RBBP4: variants seen among roughly 807,000 people sequenced by gnomAD.
The protein encoded by RBBP4 is RB binding protein 4, chromatin remodeling factor.
Under a neutral mutation model 57.2 loss-of-function variants are expected in RBBP4, and 3 were observed. The observed-to-expected ratio is 0.05, with a 90% CI of 0.02 to 0.14. RBBP4 has a LOEUF of 0.14. RBBP4 is among the 10% of genes least tolerant of loss of function. RBBP4 has a pLI of 1.00. For synonymous variants in RBBP4, 151 were observed against 171.5 expected (o/e 0.88, Z 0.93); for missense variants, 107 against 520.6 (o/e 0.21, Z 7.73).
intron 2 of RBBP4, among the ~76,000 whole-genome samples, chr1:32,655,340 T>C (rs1436949417): frequency 1.3e-5 from 2 of 152,126 alleles, no homozygotes; most frequent in Non-Finnish European, 2.9e-5. Context: ...GTGTTTACTT[T>C]TGTGTGTGTT....
chr1:32,657,226 A>G (rs1648183017), intron 2 of RBBP4, among the ~76,000 whole-genome samples: 2 of 152,208 alleles, frequency 1.3e-5, no homozygotes, highest in Admixed American at 6.5e-5. Flanking sequence ...CAGTGAGCCA[A>G]GATCGCACCA....
chr1:32,663,867 C>T (rs929895933), intron 3 of RBBP4, among the ~76,000 whole-genome samples: 1 of 151,982 alleles, frequency 6.6e-6, no homozygotes, highest in Non-Finnish European at 1.5e-5. Context: ...TGAGCCACCA[C>T]GCCTGGCCTT....
Position 32,684,326 on chromosome 1 carries a change from G to A in RBBP4, c.*4621G>A. On this transcript the variant is annotated 3_prime_UTR_variant, in exon 12 of 12. Transcript: ENST00000373493. ...CCATCTCTTTGTTCTTCTGTTGCTGGAGTTGCACCCCATTTCTTAACTGCC... is the reference window on the plus strand; with the variant it reads ...CCATCTCTTTGTTCTTCTGTTGCTGAAGTTGCACCCCATTTCTTAACTGCC... 6.2e-7 allele frequency: 1 copy of A among 1,614,120 alleles called. No homozygotes were observed. The highest frequency in any genetic ancestry group is 8.5e-7 in the Non-Finnish European group (1 of 1,180,018).
intron 4 of RBBP4, 22 bp downstream of exon 4, chr1:32,668,420 A>G (rs1648742535): frequency 1.2e-5 from 18 of 1,543,444 alleles, no homozygotes; most frequent in Admixed American, 1.8e-5. Context: ...TTTCTATTCA[A>G]ATACAAATGA....
At chr1:32,672,616 CT>C (rs1648925607) in intron 9 of RBBP4, 25 bp from the exon 10 acceptor site, 1 of 1,611,864 alleles carries the variant, frequency 6.2e-7, no homozygotes, top group South Asian at 1.1e-5. Context: ...TCTGTTTTAA[CT>C]TTTAAAATTA....
chr1:32,655,418 C>T (rs1449774523), intron 2 of RBBP4, among the ~76,000 whole-genome samples: 6 of 152,148 alleles, frequency 3.9e-5, no homozygotes, highest in African/African-American at 1.2e-4. Context: ...GGTTGTAGTT[C>T]TGTAACACTG....
chr1:32,658,374 A>AAAG (rs1353600577), intron 3 of RBBP4, among the ~76,000 whole-genome samples: 32 of 151,666 alleles, frequency 2.1e-4, no homozygotes, highest in African/African-American at 7.3e-4. Flanking sequence ...AAAAAAAAAA[A>AAAG]AGGTTGAGAA....
At chr1:32,668,113 A>G in intron 3 of RBBP4, 112 bp from the exon 4 acceptor site, 2 of 969,286 alleles carry the variant, frequency 2.1e-6, no homozygotes, top group Non-Finnish European at 3.0e-6. Flanking sequence ...TACATCTAGT[A>G]TTATGCCAGT....
At chr1:32,676,484 C>T (rs1649105631) in intron 11 of RBBP4, among the ~76,000 whole-genome samples, 1 of 151,934 alleles carries the variant, frequency 6.6e-6, no homozygotes, top group Non-Finnish European at 1.5e-5. Flanking sequence ...GTGACGGGCG[C>T]CTGTAATCCC....
chr1:32,669,212 TG>T lies in RBBP4; in HGVS notation c.762-18del, dbSNP rs765716339. On this transcript the variant is annotated intron_variant, in intron 6 of 11. Transcript: ENST00000373493. This position sits in a 1 kb window ranked among gnomAD's most constrained non-coding sequence, Gnocchi z 4.9. The stretch of plus-strand genomic sequence containing the variant: ...TCACCATTTCAAGGTTTTTTTCCTT[TG>T]TTTTTTTTTCACTGAAGTTGGGATA... The T allele has an allele frequency of 6.2e-7, 1 of 1,607,106 alleles. No individual in the cohort carries two copies. Among genetic ancestry groups the T allele is most frequent in the South Asian group, 1.1e-5 (1 of 89,100 alleles).
In RBBP4 at chr1:32,651,238, A is replaced by G; in HGVS notation, c.-69A>G. 1 of 1,504,346 alleles carries G rather than the reference A, an allele frequency of 6.6e-7. No individual in the cohort carries two copies. The highest frequency in any genetic ancestry group is 8.9e-7 in the Non-Finnish European group (1 of 1,125,524). The allele number at this position is 1,504,346 out of a possible 1,614,324, so 93.2% of individuals were successfully genotyped here. On this transcript the variant is annotated 5_prime_UTR_variant, in exon 1 of 12. Transcript: ENST00000373493. Reference sequence around the variant, plus strand: ...CAATAGAGGCCGCGCGCACAGAGCGAGCTCTTGCAGCCTCCCCGCCCCTCC... The same window carrying G: ...CAATAGAGGCCGCGCGCACAGAGCGGGCTCTTGCAGCCTCCCCGCCCCTCC...
intron 2 of RBBP4, among the ~76,000 whole-genome samples, chr1:32,655,939 C>G (rs1354016807): frequency 6.6e-6 from 1 of 152,170 alleles, no homozygotes; most frequent in East Asian, 1.9e-4. Context: ...TCTAGAGTTT[C>G]TGATTCAATG....
At chr1:32,679,567 C>A (rs1400494996) in intron 11 of RBBP4, 73 bp from the exon 12 acceptor site, 3 of 1,366,982 alleles carry the variant, frequency 2.2e-6, no homozygotes, top group Non-Finnish European at 3.0e-6. Context: ...GCTTCCTGGC[C>A]TAATCTGTTG....
At chr1:32,660,271 G>C (rs1158930350) in intron 3 of RBBP4, among the ~76,000 whole-genome samples, 1 of 151,956 alleles carries the variant, frequency 6.6e-6, no homozygotes, top group African/African-American at 2.4e-5. Flanking sequence ...TTTTTTAATG[G>C]AGCCTTGCTC....
chr1:32,658,265 A>G (rs1042666371), intron 3 of RBBP4, among the ~76,000 whole-genome samples: 1 of 151,918 alleles, frequency 6.6e-6, no homozygotes, highest in Non-Finnish European at 1.5e-5. Context: ...TAAAGCACAG[A>G]TATGCACAGA....
chr1:32,652,883 G>A lies in RBBP4; in HGVS notation c.164+822G>A, dbSNP rs114468498. On this transcript the variant is annotated intron_variant, in intron 2 of 11. Transcript: ENST00000373493. The stretch of plus-strand genomic sequence containing the variant: ...AATTTGAATTCTCGTAGTATGTCAT[G>A]GTACCTGCCTTCAAGGAGCACATTG... Among the ~76,000 whole-genome samples the A allele has an allele frequency of 3.5e-3, 528 of 152,260 alleles. 5 individuals carry two copies. Among genetic ancestry groups the A allele is most frequent in the African/African-American group, 0.012 (512 of 41,530 alleles).
At position 32,684,461 on chromosome 1, in the gene RBBP4, T is replaced by G. The variant is rs1570894775; in HGVS notation, c.*4756T>G. The G allele has an allele frequency of 2.5e-6, 4 of 1,592,802 alleles. No homozygotes were observed. The South Asian group carries it at 4.5e-5, about 18-fold the overall frequency. On this transcript the variant is annotated 3_prime_UTR_variant, in exon 12 of 12. Transcript: ENST00000373493. ...TTGTCCACTCTTACTTATAAAACAC[T>G]TTTTTGTTCATTGTTTAATCTTGAT...
At chr1:32,656,414 A>G (rs1648142700) in intron 2 of RBBP4, among the ~76,000 whole-genome samples, 1 of 151,896 alleles carries the variant, frequency 6.6e-6, no homozygotes, top group African/African-American at 2.4e-5. Flanking sequence ...GTGCAGTGGC[A>G]CCGTCTTGGC....
intron 3 of RBBP4, among the ~76,000 whole-genome samples, chr1:32,662,525 C>T (rs1221537331): frequency 6.6e-6 from 1 of 151,728 alleles, no homozygotes; most frequent in East Asian, 2.0e-4. Context: ...TACAGGCATG[C>T]ACCACCACAC....
Sources: gnomAD v4.1 joint callset for allele counts (sites outside exome capture counted in the v4.1 genomes callset) on GRCh38, gnomAD v4.1.1 for gene constraint, Gnocchi (gnomAD v3.1) non-coding constraint, MANE v1.5 for transcripts, NCBI Gene and HGNC (gene_info 2026-07-23, HGNC 2026-07-21) for gene names.